MAF: variants seen among roughly 807,000 people sequenced by gnomAD.
The protein encoded by MAF is transcription factor Maf.
A neutral mutation model predicts 22.0 loss-of-function variants in MAF; 10 were observed. The ratio of observed to expected loss-of-function variants is 0.45; its 90% CI spans 0.28 to 0.77. MAF has a LOEUF of 0.77. Among genes scored for constraint, MAF ranks in the 30% least tolerant of loss-of-function variants. The pLI is 0.12. For missense variants in MAF, 544 were observed against 548.4 expected (o/e 0.99, Z 0.08); for synonymous variants, 337 against 255.8 (o/e 1.32, Z -3.03).
At chr16:79,354,420 G>A in the MAF span, among the ~76,000 whole-genome samples, 1 of 152,140 alleles carries the variant, frequency 6.6e-6, no homozygotes, top group African/African-American at 2.4e-5. Flanking sequence ...ATGTGTGCTG[G>A]GTGACAGGCA....
chr16:79,428,086 C>A, the MAF span, among the ~76,000 whole-genome samples: 266 of 125,106 alleles, frequency 2.1e-3, no homozygotes, highest in Middle Eastern at 4.3e-3. Context: ...AGTGAGACAC[C>A]GACTCAAATT....
At chr16:79,322,319 G>A in the MAF span, among the ~76,000 whole-genome samples, 1 of 152,112 alleles carries the variant, frequency 6.6e-6, no homozygotes. Context: ...GCACTCAGGG[G>A]GTCACCAACT....
At chr16:79,214,703 CTTTTTTTT>C in the MAF span, among the ~76,000 whole-genome samples, 45 of 43,070 alleles carry the variant, frequency 1.0e-3, no homozygotes, top group Middle Eastern at 0.022. Flanking sequence ...CTGTGCCTGG[CTTTTTTTT>C]TTTTTTTTTT....
the MAF span, among the ~76,000 whole-genome samples, chr16:79,434,035 G>C: frequency 1.3e-5 from 2 of 152,260 alleles, no homozygotes; most frequent in South Asian, 4.1e-4. Context: ...AGGTAGTGTG[G>C]TAGTGACTGT....
chr16:79,502,206 C>T, the MAF span, among the ~76,000 whole-genome samples: 10 of 152,172 alleles, frequency 6.6e-5, no homozygotes, highest in African/African-American at 1.9e-4. Flanking sequence ...TCCTGAGGCC[C>T]GGCTACTTCC....
At chr16:79,206,491 G>A in the MAF span, 60,188 of 152,124 alleles carry the variant, frequency 0.4, 14,170 homozygotes, top group Non-Finnish European at 0.55. Flanking sequence ...GGCTCATAGA[G>A]CTCTGTGAGG....
intron 1 of MAF, chr16:79,598,252 T>C (rs1186390378): frequency 2.8e-6 from 3 of 1,053,620 alleles, no homozygotes; most frequent in Admixed American, 5.2e-5. Context: ...CAGCAAGCTC[T>C]AAAAGTAAAA....
the MAF span, among the ~76,000 whole-genome samples, chr16:79,448,394 T>TTC: frequency 1.4e-5 from 2 of 142,040 alleles, no homozygotes; most frequent in African/African-American, 2.5e-5. Context: ...TTTTTTTTTT[T>TTC]AGCAATGAAG....
the MAF span, among the ~76,000 whole-genome samples, chr16:79,299,611 A>C: frequency 6.6e-6 from 1 of 151,902 alleles, no homozygotes; most frequent in Non-Finnish European, 1.5e-5. Context: ...TGCTCTGAGC[A>C]TTCCAGGCAT....
At chr16:79,229,087 T>A in the MAF span, among the ~76,000 whole-genome samples, 1 of 151,932 alleles carries the variant, frequency 6.6e-6, no homozygotes, top group Non-Finnish European at 1.5e-5. Flanking sequence ...CGGAGCTGTG[T>A]GATCCTGGCA....
At chr16:79,394,178 G>C in the MAF span, among the ~76,000 whole-genome samples, 2 of 152,250 alleles carry the variant, frequency 1.3e-5, no homozygotes, top group Non-Finnish European at 2.9e-5. Context: ...ATCACAGACA[G>C]TGATGGAGAA....
chr16:79,554,857 G>A, the MAF span, among the ~76,000 whole-genome samples: 27 of 152,222 alleles, frequency 1.8e-4, no homozygotes, highest in Non-Finnish European at 1.2e-4. Context: ...CTGATTCTGC[G>A]TGATTTTTCC....
At chr16:79,445,181 C>T in the MAF span, among the ~76,000 whole-genome samples, 1 of 151,124 alleles carries the variant, frequency 6.6e-6, no homozygotes, top group Non-Finnish European at 1.5e-5. Context: ...CTACAGGCAC[C>T]TGCCACCATA....
the MAF span, among the ~76,000 whole-genome samples, chr16:79,321,654 T>C: frequency 4.2e-4 from 58 of 139,298 alleles, no homozygotes; most frequent in East Asian, 6.2e-4. Context: ...TCTTTTTTTT[T>C]TTTTTTTTTT....
At chr16:79,326,998 T>G in the MAF span, among the ~76,000 whole-genome samples, 1 of 152,206 alleles carries the variant, frequency 6.6e-6, no homozygotes, top group Non-Finnish European at 1.5e-5. Flanking sequence ...CATAACGTCC[T>G]AGCAGCTGTG....
chr16:79,414,277 T>C, the MAF span, among the ~76,000 whole-genome samples: 785 of 152,296 alleles, frequency 5.2e-3, 6 homozygotes, highest in Non-Finnish European at 9.2e-3. Context: ...TCTCAAGCTG[T>C]ACAAGAAGCA....
chr16:79,342,994 A>G, the MAF span, among the ~76,000 whole-genome samples: 1 of 152,146 alleles, frequency 6.6e-6, no homozygotes, highest in Admixed American at 6.5e-5. Flanking sequence ...TCAACGTTAG[A>G]AATATGAGGT....
At chr16:79,553,436 A>G in the MAF span, among the ~76,000 whole-genome samples, 1 of 152,216 alleles carries the variant, frequency 6.6e-6, no homozygotes, top group Non-Finnish European at 1.5e-5. Context: ...CTCTCCTGTT[A>G]CAGATGCCTG....
At chr16:79,488,629 C>T in the MAF span, among the ~76,000 whole-genome samples, 1 of 152,162 alleles carries the variant, frequency 6.6e-6, no homozygotes, top group South Asian at 2.1e-4. Flanking sequence ...AATATTATTA[C>T]CATTATTAGA....
Sources: gnomAD v4.1 joint callset for allele counts (sites outside exome capture counted in the v4.1 genomes callset) on GRCh38, gnomAD v4.1.1 for gene constraint, MANE v1.5 for transcripts, NCBI Gene and HGNC (gene_info 2026-07-23, HGNC 2026-07-21) for gene names.